The following LIMS1 variants were observed in gnomAD, a reference collection of about 807,000 sequenced individuals.
The protein encoded by LIMS1 is LIM zinc finger domain containing 1, also known as LIM and senescent cell antigen-like-containing domain protein 1.
LIMS1 carries 18 observed loss-of-function variants against 44.1 expected under a neutral mutation model. The observed-to-expected ratio is 0.41, with a 90% CI of 0.28 to 0.61. The LOEUF is 0.61. Ranked by LOEUF, LIMS1 falls within the 20% of genes least tolerant of loss-of-function variation. The pLI is 0.32. For synonymous variants in LIMS1, 93 were observed against 149.1 expected, an observed-to-expected ratio of 0.62 and a Z score of 2.74; for missense variants, 201 against 422.0, an observed-to-expected ratio of 0.48 and a Z score of 4.59.
chr2:108,563,668 C>T (rs1685199050), intron 1 of LIMS1, among the ~76,000 whole-genome samples: 1 of 152,214 alleles, frequency 6.6e-6, no homozygotes, highest in Non-Finnish European at 1.5e-5. Context: ...TCCTGATGAA[C>T]TTCCTGTGAA....
rs527299085 is a variant in LIMS1, at chr2:108,680,298, C to T, written c.824-397C>T. ...AGGAGAATCGCTTGAACCCAGGAGGCGGAGGTTGCAGTGAGCCGTGATTGC... is the reference window on the plus strand; with the variant it reads ...AGGAGAATCGCTTGAACCCAGGAGGTGGAGGTTGCAGTGAGCCGTGATTGC... On this transcript the variant is annotated intron_variant, in intron 8 of 9. Transcript: ENST00000544547. Among the ~76,000 whole-genome samples the T allele has an allele frequency of 5.6e-5, 8 of 141,844 alleles. No individual in the cohort carries two copies. The East Asian group carries it at 1.3e-3, about 22-fold the overall frequency. 93.1% of individuals were successfully genotyped at this position (141,844 alleles called of 152,430 possible). A position where few individuals can be genotyped will look rare whatever the true frequency, so the allele number is the denominator to read the frequency against.
chr2:108,567,620 G>C (rs1444003370), intron 1 of LIMS1, among the ~76,000 whole-genome samples: 1 of 152,146 alleles, frequency 6.6e-6, no homozygotes. Context: ...CATCCAGGCT[G>C]GAGTGCAATG....
intron 1 of LIMS1, among the ~76,000 whole-genome samples, chr2:108,612,471 CTT>C (rs1271414469): frequency 1.4e-5 from 2 of 143,618 alleles, no homozygotes; most frequent in African/African-American, 5.1e-5. Flanking sequence ...TAGAATCTGC[CTT>C]TTTTTTTTTT....
chr2:108,613,242 G>A (rs1439410563), intron 1 of LIMS1, among the ~76,000 whole-genome samples: 6 of 152,142 alleles, frequency 3.9e-5, no homozygotes, highest in Non-Finnish European at 8.8e-5. Context: ...TACAATACAA[G>A]CAAACATTTT....
intron 1 of LIMS1, among the ~76,000 whole-genome samples, chr2:108,648,053 T>C (rs1452478802): frequency 6.6e-6 from 1 of 152,246 alleles, no homozygotes; most frequent in African/African-American, 2.4e-5. Context: ...CATGATTGTA[T>C]GTTTAGAAAA....
intron 1 of LIMS1, among the ~76,000 whole-genome samples, chr2:108,614,317 C>A (rs1573452351): frequency 1.3e-5 from 2 of 152,296 alleles, no homozygotes; most frequent in East Asian, 3.9e-4. Flanking sequence ...GCCTAGGCTT[C>A]CAGTCTCTGC....
intron 1 of LIMS1, among the ~76,000 whole-genome samples, chr2:108,571,400 T>C (rs970813480): frequency 1.3e-5 from 2 of 152,194 alleles, no homozygotes; most frequent in African/African-American, 4.8e-5. Context: ...CTGTTAGTCA[T>C]GTTAGTGTGA....
exon 4 of LIMS1, chr2:108,672,333 A>G (rs1202084355): frequency 1.5e-6 from 2 of 1,333,682 alleles, no homozygotes; most frequent in Admixed American, 5.5e-5. Flanking sequence ...AGGTGAATTC[A>G]TCATTGGCCG....
intron 1 of LIMS1, among the ~76,000 whole-genome samples, chr2:108,555,956 CG>C (rs1194345713): frequency 1.3e-5 from 2 of 151,872 alleles, no homozygotes; most frequent in Admixed American, 1.3e-4. Context: ...CTTTTTTGCC[CG>C]GTTTAATTAT....
intron 1 of LIMS1, among the ~76,000 whole-genome samples, chr2:108,550,861 C>G (rs531125514): frequency 1.1e-3 from 162 of 151,352 alleles, no homozygotes; most frequent in African/African-American, 3.8e-3. Flanking sequence ...TGGCTCATGC[C>G]TGTAATCCCA....
chr2:108,625,010 C>T (rs144595770), intron 1 of LIMS1, among the ~76,000 whole-genome samples: 2,795 of 152,160 alleles, frequency 0.018, 48 homozygotes, highest in African/African-American at 0.039. Context: ...GCCTGGAAGG[C>T]GGAGGTTGCA....
intron 1 of LIMS1, among the ~76,000 whole-genome samples, chr2:108,570,715 G>A (rs1352947685): frequency 6.6e-6 from 1 of 152,154 alleles, no homozygotes. Flanking sequence ...GGAGAAGAGC[G>A]GGAGGAGTTA....
chr2:108,578,316 T>G (rs1685746143), intron 1 of LIMS1, among the ~76,000 whole-genome samples: 1 of 152,370 alleles, frequency 6.6e-6, no homozygotes, highest in Middle Eastern at 3.4e-3. Context: ...CTTATTAGCA[T>G]GTGTATATGT....
At chr2:108,546,444 G>A (rs1684485414) in intron 1 of LIMS1, among the ~76,000 whole-genome samples, 1 of 151,738 alleles carries the variant, frequency 6.6e-6, no homozygotes, top group Non-Finnish European at 1.5e-5. Flanking sequence ...ACGGTGCCTG[G>A]GCCGCCCTCC....
intron 1 of LIMS1, among the ~76,000 whole-genome samples, chr2:108,623,609 C>T (rs1184340064): frequency 6.6e-6 from 1 of 152,138 alleles, no homozygotes; most frequent in Non-Finnish European, 1.5e-5. Flanking sequence ...ACACAGGCCT[C>T]GCCACAGGAA....
chr2:108,644,519 A>G (rs922536919), intron 1 of LIMS1, among the ~76,000 whole-genome samples: 3 of 152,176 alleles, frequency 2.0e-5, no homozygotes, highest in African/African-American at 7.2e-5. Flanking sequence ...CCAAAGGTAC[A>G]TAAATCCACG....
chr2:108,634,730 A>G lies in LIMS1; in HGVS notation c.33-24875A>G, dbSNP rs550623552. On this transcript the variant is annotated intron_variant, in intron 1 of 9. Coordinates refer to ENST00000544547, the Ensembl canonical transcript of LIMS1. ...CTATTGTGGGAGTGATGTGACAGGA[A>G]GGGAGGCTCAGGAATGACCATGACA... Among the ~76,000 whole-genome samples the G allele has an allele frequency of 2.6e-5, 4 of 152,352 alleles. No homozygotes were observed. The East Asian group carries it at 7.7e-4, about 29-fold the overall frequency.
intron 1 of LIMS1, among the ~76,000 whole-genome samples, chr2:108,551,626 G>A (rs140871132): frequency 7.4e-6 from 1 of 135,818 alleles, no homozygotes; most frequent in East Asian, 2.1e-4. Flanking sequence ...ATGTATATAT[G>A]TGTATATATA....
intron 1 of LIMS1, among the ~76,000 whole-genome samples, chr2:108,565,132 C>T (rs775392541): frequency 5.7e-4 from 86 of 152,202 alleles, no homozygotes; most frequent in Non-Finnish European, 9.8e-4. Context: ...AACTTTGTTA[C>T]TTATGGCTGT....
Sources: gnomAD v4.1 joint callset for allele counts (sites outside exome capture counted in the v4.1 genomes callset) on GRCh38, gnomAD v4.1.1 for gene constraint, MANE v1.5 for transcripts, NCBI Gene and HGNC (gene_info 2026-07-23, HGNC 2026-07-21) for gene names.